The following MERTK variants were observed in gnomAD, a reference collection of about 807,000 sequenced individuals.
The protein encoded by MERTK is MER proto-oncogene, tyrosine kinase.
MERTK carries 69 observed loss-of-function variants against 99.3 expected under a neutral mutation model. The observed-to-expected ratio is 0.70, with a 90% confidence interval of 0.57 to 0.85. MERTK has a LOEUF of 0.85. MERTK is among the 40% of genes least tolerant of loss of function. The probability of loss-of-function intolerance (pLI) is 0.00; values close to 1 mark genes in which losing one functional copy is unlikely to be tolerated. For synonymous variants in MERTK, 426 were observed against 467.6 expected (o/e 0.91, Z 1.15); for missense variants, 1,125 against 1,249.4 (o/e 0.90, Z 1.50).
intron 1 of MERTK, among the ~76,000 whole-genome samples, chr2:111,913,658 C>T (rs1684292386): frequency 6.6e-6 from 1 of 152,174 alleles, no homozygotes; most frequent in South Asian, 2.1e-4. Flanking sequence ...ATTCTTGTGC[C>T]TCAGCCTCTG....
intron 18 of MERTK, chr2:112,022,636 C>T (rs151122827): frequency 2.3e-5 from 17 of 738,796 alleles, no homozygotes; most frequent in South Asian, 8.2e-5. Flanking sequence ...CAGTCTCGAA[C>T]GACAGGCACG....
chr2:111,958,374 A>T (rs1159762483), intron 4 of MERTK, among the ~76,000 whole-genome samples: 1 of 152,220 alleles, frequency 6.6e-6, no homozygotes, highest in Admixed American at 6.5e-5. Flanking sequence ...TGGTCAATCC[A>T]GGCTTATAAA....
chr2:112,018,604 T>G (rs1173278396), intron 15 of MERTK, among the ~76,000 whole-genome samples: 1 of 152,180 alleles, frequency 6.6e-6, no homozygotes, highest in Non-Finnish European at 1.5e-5. Flanking sequence ...ACATAATGGA[T>G]GGACCCATTC....
intron 6 of MERTK, among the ~76,000 whole-genome samples, chr2:111,973,876 G>T (rs1337701610): frequency 1.3e-5 from 2 of 151,668 alleles, no homozygotes; most frequent in Non-Finnish European, 2.9e-5. Context: ...TTTGGAGGGG[G>T]ATGTGGAGAG....
chr2:111,983,802 C>T (rs1301807920), intron 8 of MERTK, among the ~76,000 whole-genome samples: 1 of 152,204 alleles, frequency 6.6e-6, no homozygotes, highest in South Asian at 2.1e-4. Flanking sequence ...GTGACTAGCC[C>T]CAGCATGGCT....
At chr2:111,972,961 C>T (rs1190270571) in intron 6 of MERTK, among the ~76,000 whole-genome samples, 1 of 152,136 alleles carries the variant, frequency 6.6e-6, no homozygotes, top group Admixed American at 6.5e-5. Context: ...GACTCGGGAC[C>T]AAATGAATGT....
rs3841094 is a variant in MERTK at position 112,019,336 on chromosome 2, T to TCC, written c.2080-70_2080-69dup. ...CACTGTAATAAATTAAAGCATCCTT[T>TCC]CCCCCCCCGGCAGAAACTGCTTGCA... On this transcript the variant is annotated intron_variant, in intron 15 of 18. Coordinates refer to ENST00000295408, the MANE Select transcript of MERTK (RefSeq NM_006343.3). 504 of 997,876 alleles carry TCC rather than the reference T, an allele frequency of 5.1e-4. 1 individual carries two copies. Among genetic ancestry groups the TCC allele is most frequent in the East Asian group, 1.7e-3 (73 of 41,726 alleles). The allele number at this position is 997,876 out of a possible 1,614,324, so 61.8% of individuals were successfully genotyped here. A position where few individuals can be genotyped will look rare whatever the true frequency, so the allele number is the denominator to read the frequency against.
In MERTK at chr2:112,010,040, T is replaced by C. The variant is rs771972540; in HGVS notation, c.2053T>C (p.Tyr685His). Residue 685 changes from tyrosine to histidine, a missense_variant, in exon 15 of 19, where the codon TAT becomes CAT. Transcript: ENST00000295408. ...CGGGGACCTGCATACTTACTTACTTTATTCCCGATTGGAGACAGGACCAAA... is the reference window on the plus strand; with the variant it reads ...CGGGGACCTGCATACTTACTTACTTCATTCCCGATTGGAGACAGGACCAAA... ...KYGDLHTYLL[Y>H]SRLETGPKHI... 17 of 1,612,814 alleles carry C rather than the reference T, an allele frequency of 1.1e-5. No homozygotes were observed. The highest frequency in any genetic ancestry group is 6.6e-5 in the South Asian group (6 of 91,056).
At chr2:111,943,898 C>A (rs917480238) in intron 2 of MERTK, among the ~76,000 whole-genome samples, 1 of 152,054 alleles carries the variant, frequency 6.6e-6, no homozygotes, top group Admixed American at 6.6e-5. Context: ...CCCATGGAGC[C>A]CCCCTAGTCA....
chr2:111,999,435 A>G (rs1676822268), intron 10 of MERTK, among the ~76,000 whole-genome samples: 1 of 152,028 alleles, frequency 6.6e-6, no homozygotes, highest in African/African-American at 2.4e-5. Context: ...ATTAGCTGGG[A>G]CCACAGTCAC....
rs777888162 is a variant in MERTK at position 111,968,172 on chromosome 2, A to C, written c.880A>C (p.Asn294His). The stretch of plus-strand genomic sequence containing the variant: ...CCCACCAACTGAAGTCAGCATCCGT[A>C]ACAGCACTGCACACAGCATTCTGAT... Reference protein sequence around the residue: ...PSPPTEVSIRNSTAHSILISW... With the variant: ...PSPPTEVSIRHSTAHSILISW... The change falls in exon 6 of 19, where the codon AAC becomes CAC. Residue 294 changes from asparagine (N) to histidine (H), a missense_variant. Transcript: ENST00000295408. The C allele has an allele frequency of 5.0e-6, 8 of 1,613,898 alleles. No homozygotes were observed. In the African/African-American group the frequency reaches 8.0e-5, roughly 16 times the overall value.
chr2:111,917,277 T>G (rs747707266), intron 1 of MERTK, among the ~76,000 whole-genome samples: 7 of 152,188 alleles, frequency 4.6e-5, no homozygotes, highest in Non-Finnish European at 8.8e-5. Context: ...AGGCCCTTTC[T>G]GACGCCACCC....
chr2:111,957,763 G>C (rs1329780180), intron 4 of MERTK, among the ~76,000 whole-genome samples: 3 of 152,132 alleles, frequency 2.0e-5, no homozygotes, highest in African/African-American at 7.2e-5. Context: ...TCCAAGTTAA[G>C]AAGCTACCTC....
intron 1 of MERTK, among the ~76,000 whole-genome samples, chr2:111,902,780 T>C (rs1314865509): frequency 8.3e-5 from 7 of 83,896 alleles, no homozygotes; most frequent in African/African-American, 3.0e-4. Flanking sequence ...CTTCCTTCCT[T>C]CCTTCCTTCC....
At chr2:111,902,557 G>GACAC (rs1684063228) in intron 1 of MERTK, among the ~76,000 whole-genome samples, 1 of 151,944 alleles carries the variant, frequency 6.6e-6, no homozygotes, top group Non-Finnish European at 1.5e-5. Context: ...TCTAGGGCCT[G>GACAC]AGCAGCCTTT....
chr2:111,906,110 A>G (rs1345244262), intron 1 of MERTK, among the ~76,000 whole-genome samples: 2 of 152,192 alleles, frequency 1.3e-5, no homozygotes, highest in Admixed American at 6.5e-5. Context: ...CCTTGAAAAC[A>G]AGATCCAATC....
chr2:111,981,024 A>G (rs1415517328), intron 7 of MERTK, among the ~76,000 whole-genome samples: 1 of 152,190 alleles, frequency 6.6e-6, no homozygotes. Flanking sequence ...TTATCCACAA[A>G]TTCTACAACA....
intron 8 of MERTK, 36 bp from the exon 9 acceptor site, chr2:111,994,215 A>C (rs1415249735): frequency 1.2e-6 from 2 of 1,612,238 alleles, no homozygotes; most frequent in African/African-American, 2.7e-5. Context: ...CCCAGACCTC[A>C]GTGTTTTCAT....
intron 4 of MERTK, 46 bp downstream of exon 4, chr2:111,947,613 C>T (rs770038754): frequency 3.7e-6 from 6 of 1,608,336 alleles, no homozygotes; most frequent in Non-Finnish European, 5.1e-6. Context: ...TAATAGCGGA[C>T]AGGATCAAAA....
Sources: allele counts gnomAD v4.1 joint callset (sites outside exome capture counted in the v4.1 genomes callset), GRCh38; gene constraint gnomAD v4.1.1; transcripts MANE v1.5; gene names NCBI Gene and HGNC (gene_info 2026-07-23, HGNC 2026-07-21).